The following CXXC5 variants were observed in gnomAD, a reference collection of about 807,000 sequenced individuals.
CXXC5 encodes the protein CXXC-type zinc finger protein 5.
A neutral mutation model predicts 17.6 loss-of-function variants in CXXC5; 2 were observed. The observed-to-expected ratio is 0.11, with a 90% CI of 0.05 to 0.36. The LOEUF (loss-of-function observed/expected upper bound fraction) is 0.36. Ranked by LOEUF, CXXC5 falls within the 10% of genes least tolerant of loss-of-function variation. CXXC5 has a pLI of 1.00. For synonymous variants in CXXC5, 171 were observed against 193.0 expected (o/e 0.89, Z 0.94); for missense variants, 343 against 458.3 (o/e 0.75, Z 2.30).
At chr5:139,652,169 C>CGTGTGTGTGTGT (rs1223071797) in intron 1 of CXXC5, among the ~76,000 whole-genome samples, 1 of 140,016 alleles carries the variant, frequency 7.1e-6, no homozygotes, top group African/African-American at 2.7e-5. Context: ...CGCGCGCGCG[C>CGTGTGTGTGTGT]GCGTGTGTGT....
chr5:139,665,343 G>T (rs921440836), intron 1 of CXXC5, among the ~76,000 whole-genome samples: 6 of 152,256 alleles, frequency 3.9e-5, no homozygotes, highest in African/African-American at 1.4e-4. Flanking sequence ...TGGTTTAGGG[G>T]CACCGGGGTG....
At chr5:139,673,418 CA>C (rs2126800466) in intron 1 of CXXC5, among the ~76,000 whole-genome samples, 1 of 152,306 alleles carries the variant, frequency 6.6e-6, no homozygotes, top group African/African-American at 2.4e-5. Context: ...CTGTCTTTAT[CA>C]GAGGCATCCC....
rs1215581839 is a variant in CXXC5, at chr5:139,670,336, G to A, written c.-160-10028G>A. Among the ~76,000 whole-genome samples, 1 of 152,206 alleles carries A rather than the reference G, an allele frequency of 6.6e-6. No homozygotes were observed. The highest frequency in any genetic ancestry group is 2.4e-5 in the African/African-American group (1 of 41,442). ...ACCTTGAACAGCAGACAAGACAGGT[G>A]TCCCCCTTAGAGCTGGGACAGATTC... On this transcript the variant is annotated intron_variant, in intron 1 of 2. Transcript: ENST00000302517. The surrounding 1 kb of genome is among the most constrained non-coding windows in gnomAD (Gnocchi z 4.2).
chr5:139,672,163 G>A (rs1756511299), intron 1 of CXXC5, among the ~76,000 whole-genome samples: 1 of 152,128 alleles, frequency 6.6e-6, no homozygotes, highest in Non-Finnish European at 1.5e-5. Context: ...TGTTGCCCAG[G>A]CTGGAGTGCA....
intron 1 of CXXC5, among the ~76,000 whole-genome samples, chr5:139,652,163 C>CGTGTGTGTGTGTGT (rs1326798150): frequency 1.4e-5 from 2 of 139,900 alleles, no homozygotes; most frequent in African/African-American, 5.4e-5. Flanking sequence ...CGCGCGCGCG[C>CGTGTGTGTGTGTGT]GCGCGCGCGT....
At chr5:139,664,027 C>G (rs1755963716) in intron 1 of CXXC5, among the ~76,000 whole-genome samples, 1 of 152,188 alleles carries the variant, frequency 6.6e-6, no homozygotes, top group South Asian at 2.1e-4. Flanking sequence ...TCCCCTCGCC[C>G]CATTACACAC....
rs1325555322 is a variant in CXXC5 at position 139,680,591 on chromosome 5, G to A, written c.68G>A (p.Gly23Asp). ...AGCAGCAGCAGCACCAATGGCAGCG[G>A]TGGCAGTGGCAGCAGTGGCCCAAAG... is the stretch of plus-strand genomic sequence containing the variant. ...GSSSSSTNGS[G>D]GSGSSGPKAG... The change falls in exon 2 of 3, where the codon GGT becomes GAT. Residue 23 changes from glycine (G) to aspartate (D), a missense_variant. Physicochemically the swap from Gly to Asp is moderately conservative, Grantham distance 94. This residue lies in a region of CXXC5 where 297 missense variants were observed against 363.4 expected (regional missense o/e 0.82). Coordinates refer to ENST00000302517, the MANE Select transcript of CXXC5 (RefSeq NM_016463.9). 21 of 1,605,752 alleles carry A rather than the reference G, an allele frequency of 1.3e-5. No individual in the cohort carries two copies. Among genetic ancestry groups the A allele is most frequent in the African/African-American group, 2.7e-5 (2 of 74,760 alleles).
rs76468379 is a variant in CXXC5 at position 139,657,856 on chromosome 5, A to G, written c.-161+9011A>G. Among the ~76,000 whole-genome samples, 841 of 152,266 alleles carry G rather than the reference A, an allele frequency of 5.5e-3. 11 individuals carry two copies. The highest frequency in any genetic ancestry group is 0.02 in the African/African-American group (810 of 41,524). Reference sequence around the variant, plus strand: ...GAGCTTGGCTTGGAACCTGAGAAGCAGAGACCAGCCCTGACCTGACGCCCG... The same window carrying G: ...GAGCTTGGCTTGGAACCTGAGAAGCGGAGACCAGCCCTGACCTGACGCCCG... On this transcript the variant is annotated intron_variant, in intron 1 of 2. Coordinates refer to ENST00000302517, the MANE Select transcript of CXXC5 (RefSeq NM_016463.9).
chr5:139,673,041 G>T (rs1437842278), intron 1 of CXXC5, among the ~76,000 whole-genome samples: 1 of 152,146 alleles, frequency 6.6e-6, no homozygotes, highest in Non-Finnish European at 1.5e-5. Context: ...GGGTACGTGG[G>T]CCTGATTTCT....
At chr5:139,656,524 G>A (rs74717066) in intron 1 of CXXC5, among the ~76,000 whole-genome samples, 1,808 of 152,322 alleles carry the variant, frequency 0.012, 17 homozygotes, top group Middle Eastern at 0.041. Flanking sequence ...AGGCAGGGCC[G>A]TGCCTCCTGT....
At position 139,670,600 on chromosome 5, in the gene CXXC5, C is replaced by T. The variant is rs982656716; in HGVS notation, c.-160-9764C>T. Reference sequence around the variant, plus strand: ...GGACATACACACACTGGCATTCATGCGGCAAAGATGTGTTGACACGTACAG... The same window carrying T: ...GGACATACACACACTGGCATTCATGTGGCAAAGATGTGTTGACACGTACAG... On this transcript the variant is annotated intron_variant, in intron 1 of 2. Coordinates refer to ENST00000302517, the MANE Select transcript of CXXC5 (RefSeq NM_016463.9). This position sits in a 1 kb window ranked among gnomAD's most constrained non-coding sequence, Gnocchi z 4.2. 9.2e-5 allele frequency among the ~76,000 whole-genome samples: 14 copies of T among 152,304 alleles called. No individual in the cohort carries two copies. Among genetic ancestry groups the T allele is most frequent in the East Asian group, 7.7e-4 (4 of 5,186 alleles).
Position 139,670,728 on chromosome 5 carries a change from C to T in CXXC5, c.-160-9636C>T, listed in dbSNP as rs1248773920. Reference sequence around the variant, plus strand: ...CATTCACAGACTTGGGTCGCACACACATGCCTCCACTTTACCCTCAGGGAG... The same window carrying T: ...CATTCACAGACTTGGGTCGCACACATATGCCTCCACTTTACCCTCAGGGAG... On this transcript the variant is annotated intron_variant, in intron 1 of 2. Coordinates refer to ENST00000302517, the MANE Select transcript of CXXC5 (RefSeq NM_016463.9). This position sits in a 1 kb window ranked among gnomAD's most constrained non-coding sequence, Gnocchi z 4.2. Among the ~76,000 whole-genome samples the T allele has an allele frequency of 6.6e-6, 1 of 152,250 alleles. No individual in the cohort carries two copies. The highest frequency in any genetic ancestry group is 1.5e-5 in the Non-Finnish European group (1 of 68,054).
chr5:139,658,705 C>G lies in CXXC5; in HGVS notation c.-161+9860C>G, dbSNP rs1257627651. On this transcript the variant is annotated intron_variant, in intron 1 of 2. Transcript: ENST00000302517. This position sits in a 1 kb window ranked among gnomAD's most constrained non-coding sequence, Gnocchi z 4.1. ...ACAGCCGGCAGGGCCGGGCGGCTTC[C>G]CAGCTCCCCCTCTGACTCATGGCCG... 1.1e-4 allele frequency among the ~76,000 whole-genome samples: 17 copies of G among 152,346 alleles called. No individual in the cohort carries two copies. Among genetic ancestry groups the G allele is most frequent in the Non-Finnish European group, 1.5e-5 (1 of 68,022 alleles).
At position 139,681,257 on chromosome 5, in the gene CXXC5, T is replaced by C. The variant is rs758910493; in HGVS notation, c.734T>C (p.Met245Thr). ...LHMAGLAEYPMQGELASAISS... is the reference protein window; with the variant it reads ...LHMAGLAEYPTQGELASAISS... ...ATGGCGGGCCTGGCTGAGTACCCCA[T>C]GCAGGGAGAGCTGGCCTCTGCCATC... Residue 245 changes from methionine (M) to threonine (T), a missense_variant, in exon 2 of 3, where the codon ATG (methionine) becomes ACG (threonine). Met to Thr is a moderately conservative substitution (Grantham distance 81). Coordinates refer to ENST00000302517, the MANE Select transcript of CXXC5 (RefSeq NM_016463.9). 2 of 1,612,284 alleles carry C rather than the reference T, an allele frequency of 1.2e-6. No individual in the cohort carries two copies. The highest frequency in any genetic ancestry group is 1.1e-5 in the South Asian group (1 of 90,998).
At position 139,655,832 on chromosome 5, in the gene CXXC5, C is replaced by T. The variant is rs186888963; in HGVS notation, c.-161+6987C>T. ...TGTTTGTTTGGGAAGAGGGCAGTGG[C>T]GGCTCTGGGCCCTGGCTGCTGCGCT... is the stretch of plus-strand genomic sequence containing the variant. On this transcript the variant is annotated intron_variant, in intron 1 of 2. Transcript: ENST00000302517. Among the ~76,000 whole-genome samples the T allele has an allele frequency of 2.8e-4, 42 of 151,688 alleles. 1 individual carries two copies. Among genetic ancestry groups the T allele is most frequent in the African/African-American group, 9.4e-4 (39 of 41,304 alleles).
Position 139,681,975 on chromosome 5 carries a change from G to A in CXXC5, c.924+528G>A, listed in dbSNP as rs150387220. Among the ~76,000 whole-genome samples the A allele has an allele frequency of 6.6e-3, 1,001 of 152,316 alleles. 3 individuals are homozygous for A. Among genetic ancestry groups the A allele is most frequent in the Middle Eastern group, 0.014 (4 of 294 alleles). On this transcript the variant is annotated intron_variant, in intron 2 of 2. Transcript: ENST00000302517. ...GCTGGGTGCCCTGCTCTGAGGCCTG[G>A]AAGGACCCTTGGTCTGGGCACCTAG...
chr5:139,667,315 A>G (rs1048524623), intron 1 of CXXC5, among the ~76,000 whole-genome samples: 5 of 152,202 alleles, frequency 3.3e-5, no homozygotes, highest in Admixed American at 3.3e-4. Flanking sequence ...CCATTGACTG[A>G]GCACTCAGGG....
At chr5:139,667,132 G>T (rs777383359) in intron 1 of CXXC5, among the ~76,000 whole-genome samples, 8 of 152,200 alleles carry the variant, frequency 5.3e-5, no homozygotes, top group Non-Finnish European at 7.3e-5. Flanking sequence ...CTCTGATGTG[G>T]TCTGTAGTTC....
At chr5:139,662,223 G>A (rs1755859529) in intron 1 of CXXC5, among the ~76,000 whole-genome samples, 1 of 152,054 alleles carries the variant, frequency 6.6e-6, no homozygotes, top group Non-Finnish European at 1.5e-5. Flanking sequence ...ATTATCCAGT[G>A]CCCCCACTTA....
Sources: allele counts gnomAD v4.1 joint callset (sites outside exome capture counted in the v4.1 genomes callset), GRCh38; gene constraint gnomAD v4.1.1; regional missense constraint gnomAD v4.1.1; non-coding constraint Gnocchi (gnomAD v3.1); transcripts MANE v1.5; gene names NCBI Gene and HGNC (gene_info 2026-07-23, HGNC 2026-07-21).